MICAL3: variants seen among roughly 807,000 people sequenced by gnomAD.
MICAL3 encodes the protein microtubule associated monooxygenase, calponin and LIM domain containing 3.
In MICAL3, 62 loss-of-function variants were observed where a neutral mutation model predicts 207.4. The observed-to-expected ratio is 0.30, with a 90% CI of 0.24 to 0.37. The LOEUF is 0.37. MICAL3 is among the 10% of genes least tolerant of loss of function. MICAL3 has a pLI of 1.00. For synonymous variants in MICAL3, 1,077 were observed against 1,069.3 expected, an observed-to-expected ratio of 1.01 and a Z score of -0.14; for missense variants, 2,368 against 2,635.6, an observed-to-expected ratio of 0.90 and a Z score of 2.22.
intron 1 of MICAL3, among the ~76,000 whole-genome samples, chr22:17,967,483 CA>C (rs1569150671): frequency 2.7e-4 from 37 of 136,278 alleles, no homozygotes; most frequent in African/African-American, 9.5e-4. Context: ...CACACACACA[CA>C]CACACACACC....
intron 1 of MICAL3, among the ~76,000 whole-genome samples, chr22:17,979,656 C>T (rs1292142533): frequency 6.6e-6 from 1 of 152,076 alleles, no homozygotes; most frequent in Non-Finnish European, 1.5e-5. Context: ...ACAGTCCCAG[C>T]CTAGAGGAAA....
At chr22:17,998,275 T>G (rs1922523504) in intron 1 of MICAL3, among the ~76,000 whole-genome samples, 1 of 86,280 alleles carries the variant, frequency 1.2e-5, no homozygotes, top group Non-Finnish European at 2.5e-5. Flanking sequence ...CACTCCAGAC[T>G]GGGCGCGACA....
chr22:17,928,735 A>AG (rs1240721133), intron 1 of MICAL3, among the ~76,000 whole-genome samples: 1 of 152,232 alleles, frequency 6.6e-6, no homozygotes, highest in East Asian at 1.9e-4. Context: ...CATGCCCCAT[A>AG]GGGGGGTGAC....
intron 1 of MICAL3, among the ~76,000 whole-genome samples, chr22:17,972,966 C>G (rs116912126): frequency 6.6e-6 from 1 of 152,374 alleles, no homozygotes; most frequent in South Asian, 2.1e-4. Flanking sequence ...GCACGTCAGG[C>G]ATGTTGCGCC....
At chr22:17,838,534 A>ATT (rs1923645892) in intron 20 of MICAL3, among the ~76,000 whole-genome samples, 1 of 152,198 alleles carries the variant, frequency 6.6e-6, no homozygotes, top group East Asian at 1.9e-4. Flanking sequence ...CTTAATCCTC[A>ATT]AAACAAACCT....
At chr22:17,959,766 T>C (rs1934808531) in intron 1 of MICAL3, among the ~76,000 whole-genome samples, 1 of 151,696 alleles carries the variant, frequency 6.6e-6, no homozygotes, top group African/African-American at 2.4e-5. Context: ...TAGATAGCTC[T>C]CCCTGCCCAT....
At chr22:17,995,046 C>T (rs1290284368) in intron 1 of MICAL3, among the ~76,000 whole-genome samples, 1 of 152,156 alleles carries the variant, frequency 6.6e-6, no homozygotes, top group Non-Finnish European at 1.5e-5. Context: ...TAACAGAACA[C>T]GAAAAAGATA....
At chr22:17,972,681 T>C (rs1935472543) in intron 1 of MICAL3, among the ~76,000 whole-genome samples, 1 of 152,070 alleles carries the variant, frequency 6.6e-6, no homozygotes, top group African/African-American at 2.4e-5. Flanking sequence ...TAAGACTGTC[T>C]GCCCCAGGAA....
At position 17,885,992 on chromosome 22, in the gene MICAL3, G is replaced by C. The variant is rs1929835373; in HGVS notation, c.2127C>G (p.Asp709Glu). Residue 709 changes from aspartate (D) to glutamate (E), a missense_variant, in exon 16 of 32, where the codon GAC (aspartate) becomes GAG (glutamate). Asp to Glu is a conservative substitution (Grantham distance 45). Around this residue, in one of 4 missense-constraint regions of MICAL3, gnomAD observed 1,770 missense variants for 1,863.2 expected, o/e 0.95. Transcript: ENST00000441493. ...ERPTLVSTLTDRRMDVAVGNQ... is the reference protein window; with the variant it reads ...ERPTLVSTLTERRMDVAVGNQ... ...TCCCAACGGCAACGTCCATCCTCCTGTCTGTCAGAGTGCTCACCAGGGTCG... is the reference window on the plus strand; with the variant it reads ...TCCCAACGGCAACGTCCATCCTCCTCTCTGTCAGAGTGCTCACCAGGGTCG... 2 of 1,613,912 alleles carry C rather than the reference G, an allele frequency of 1.2e-6. No homozygotes were observed. The highest frequency in any genetic ancestry group is 2.7e-5 in the African/African-American group (2 of 74,942).
intron 1 of MICAL3, among the ~76,000 whole-genome samples, chr22:17,957,708 CAAAAAA>C (rs374917425): frequency 9.4e-6 from 1 of 106,322 alleles, no homozygotes; most frequent in Non-Finnish European, 1.9e-5. Flanking sequence ...GAAACTATGT[CAAAAAA>C]AAAAAAAAAA....
chr22:17,864,386 C>T lies in MICAL3; in HGVS notation c.2605+513G>A, dbSNP rs1397739123. On this transcript the variant is annotated intron_variant, in intron 19 of 31. Coordinates refer to ENST00000441493, the MANE Select transcript of MICAL3 (RefSeq NM_015241.3). ...CTCATCCACACACAGTGACAGGGAACAGGACGCAGAATCTTAAGTGAAGGT... is the reference window on the plus strand; with the variant it reads ...CTCATCCACACACAGTGACAGGGAATAGGACGCAGAATCTTAAGTGAAGGT... The T allele has an allele frequency of 3.8e-6, 5 of 1,328,204 alleles. No individual in the cohort carries two copies. The African/African-American group carries it at 5.9e-5, about 16-fold the overall frequency. The allele number at this position is 1,328,204 out of a possible 1,614,324, so 82.3% of individuals were successfully genotyped here.
intron 19 of MICAL3, among the ~76,000 whole-genome samples, chr22:17,858,111 C>T (rs1926120443): frequency 6.6e-6 from 1 of 152,242 alleles, no homozygotes; most frequent in Admixed American, 6.5e-5. Context: ...TGGAGAGTCC[C>T]ATCCACCTGG....
intron 17 of MICAL3, 64 bp downstream of exon 17, chr22:17,871,773 G>T: frequency 2.0e-6 from 3 of 1,475,240 alleles, no homozygotes; most frequent in South Asian, 1.3e-5. Context: ...AAGGCGCCCA[G>T]CTCAGATGGA....
intron 27 of MICAL3, among the ~76,000 whole-genome samples, chr22:17,812,150 C>G (rs2062055537): frequency 6.6e-6 from 1 of 152,350 alleles, no homozygotes; most frequent in East Asian, 1.9e-4. Context: ...GTCCCCTGAA[C>G]AGTCAGTCCC....
intron 1 of MICAL3, among the ~76,000 whole-genome samples, chr22:17,988,609 C>T (rs1921300878): frequency 6.6e-6 from 1 of 152,150 alleles, no homozygotes; most frequent in African/African-American, 2.4e-5. Context: ...CGCCTGCAAC[C>T]GCGCCCGGCT....
chr22:17,893,684 G>A (rs1930580726), intron 11 of MICAL3, 124 bp downstream of exon 11: 2 of 695,470 alleles, frequency 2.9e-6, no homozygotes, highest in Non-Finnish European at 5.0e-6. Flanking sequence ...ACCCTGGGTT[G>A]AGAGCCACTG....
Position 17,788,711 on chromosome 22 carries a change from G to A in MICAL3, c.*2021C>T, listed in dbSNP as rs1468447858. ...AGAATCAGCGCTGTGGCGGCCACTA[G>A]CGGCGTTATCTCCCGGATGTGCATG... On this transcript the variant is annotated 3_prime_UTR_variant, in exon 32 of 32. Transcript: ENST00000441493. The A allele has an allele frequency of 6.6e-6, 1 of 152,306 alleles. No homozygotes were observed. The highest frequency in any genetic ancestry group is 1.5e-5 in the Non-Finnish European group (1 of 68,068). The allele number at this position is 152,306 out of a possible 1,614,324, so 9.4% of individuals were successfully genotyped here.
rs114927488 is a variant in MICAL3, at chr22:17,970,065, G to A, written c.-75+54216C>T. On this transcript the variant is annotated intron_variant, in intron 1 of 31. Transcript: ENST00000441493. ...TCACAGTGTGCAGAGGGACTGGGCC[G>A]TTGCTCCAGCCGCTCCAGCAGGTTA... Among the ~76,000 whole-genome samples the A allele has an allele frequency of 4.3e-3, 653 of 152,306 alleles. 11 individuals are homozygous for A. The highest frequency in any genetic ancestry group is 0.015 in the African/African-American group (619 of 41,546).
At chr22:17,992,613 C>T (rs1470912399) in intron 1 of MICAL3, among the ~76,000 whole-genome samples, 4 of 152,166 alleles carry the variant, frequency 2.6e-5, no homozygotes. Context: ...ATCCCCCCTG[C>T]TCCCTGGCTC....
Sources: gnomAD v4.1 joint callset for allele counts (sites outside exome capture counted in the v4.1 genomes callset) on GRCh38, gnomAD v4.1.1 for gene constraint, gnomAD v4.1.1 regional missense constraint, MANE v1.5 for transcripts, NCBI Gene and HGNC (gene_info 2026-07-23, HGNC 2026-07-21) for gene names.